Variants in RPL26L1 observed in about 807,000 individuals in gnomAD.
The protein encoded by RPL26L1 is ribosomal protein uL24-like.
In RPL26L1, 8 loss-of-function variants were observed where a neutral mutation model predicts 15.2. The ratio of observed to expected loss-of-function variants is 0.53; its 90% confidence interval spans 0.31 to 0.95. The LOEUF (loss-of-function observed/expected upper bound fraction) is 0.95, where lower values mean the gene tolerates loss of function less well. Ranked by LOEUF, RPL26L1 falls within the 40% of genes least tolerant of loss-of-function variation. The pLI, the probability that RPL26L1 is intolerant of heterozygous loss-of-function variation, is 0.05. For synonymous variants in RPL26L1, 51 were observed against 65.9 expected (o/e 0.77, Z 1.09); for missense variants, 146 against 190.9 (o/e 0.76, Z 1.39).
At chr5:172,963,834 T>C (rs1755342249) in intron 2 of RPL26L1, among the ~76,000 whole-genome samples, 1 of 152,230 alleles carries the variant, frequency 6.6e-6, no homozygotes, top group South Asian at 2.1e-4. Context: ...AGACCATTTT[T>C]AATCATCCCA....
upstream of RPL26L1, chr5:172,959,404 C>T (rs1202158008): frequency 9.9e-7 from 1 of 1,005,406 alleles, no homozygotes; most frequent in Non-Finnish European, 1.2e-6. Flanking sequence ...TCTTTCTGCG[C>T]TTGCGCGGCA....
chr5:172,955,079 G>A (rs1360295935), upstream of RPL26L1: 4 of 454,382 alleles, frequency 8.8e-6, no homozygotes. Context: ...GGTGAAACCT[G>A]GGAAGAAATG....
At chr5:172,959,502 ACT>A (rs1755133520) in intron 1 of RPL26L1, 34 bp downstream of exon 1, 1 of 1,048,386 alleles carries the variant, frequency 9.5e-7, no homozygotes, top group Non-Finnish European at 1.2e-6. Context: ...CGGACAGTGA[ACT>A]CTACCGCCCC....
upstream of RPL26L1, chr5:172,958,800 A>C (rs960426810): frequency 1.1e-5 from 1 of 90,248 alleles, no homozygotes; most frequent in Non-Finnish European, 2.6e-5. Context: ...AGAGGGCCAC[A>C]GGTGGGCGCG....
At chr5:172,960,082 G>A (rs1349805472) in intron 2 of RPL26L1, 41 bp downstream of exon 2, 1 of 1,610,714 alleles carries the variant, frequency 6.2e-7, no homozygotes, top group Non-Finnish European at 8.5e-7. Context: ...GGACACCGTT[G>A]CCTAAGAACG....
rs577812188 is a variant in RPL26L1, at chr5:172,959,707, C to T, written c.-9-158C>T. 1.3e-4 allele frequency: 142 copies of T among 1,092,800 alleles called. 4 individuals carry two copies. In the South Asian group the frequency reaches 2.0e-3, roughly 15 times the overall value. The allele number at this position is 1,092,800 out of a possible 1,614,324, so 67.7% of individuals were successfully genotyped here. ...CACACGCCTCACTTTATGTGATAGT[C>T]AGACTAGTCGCATCTCTCTGTCCTC... On this transcript the variant is annotated intron_variant, in intron 1 of 3. Transcript: ENST00000265100.
chr5:172,964,405 C>T (rs1206197233), intron 2 of RPL26L1, among the ~76,000 whole-genome samples: 1 of 151,738 alleles, frequency 6.6e-6, no homozygotes, highest in Non-Finnish European at 1.5e-5. Flanking sequence ...CCTCCCTCAG[C>T]CTCCCAAGTA....
chr5:172,959,662 A>G (rs1036356983), intron 1 of RPL26L1, 194 bp downstream of exon 1: 1 of 1,152,486 alleles, frequency 8.7e-7, no homozygotes, highest in African/African-American at 1.6e-5. Flanking sequence ...CGACCCCTTT[A>G]GACGGGCATG....
At chr5:172,957,312 A>C (rs1047125281), upstream of RPL26L1, 4 of 455,766 alleles carry the variant, frequency 8.8e-6, no homozygotes, top group Admixed American at 7.1e-5. Context: ...ACTGAACCAC[A>C]CAGCATGTTA....
upstream of RPL26L1, chr5:172,957,562 T>C (rs1581600560): frequency 3.5e-6 from 1 of 283,560 alleles, no homozygotes. Flanking sequence ...AGTGGGTGAA[T>C]GACAATAAAT....
Position 172,964,281 on chromosome 5 carries a change from C to CCTTTTTTTTTTTTTTTTTTTTT in RPL26L1, c.169-4178_169-4177insCTTTTTTTTTTTTTTTTTTTTT, listed in dbSNP as rs1402885653. 1.2e-3 allele frequency among the ~76,000 whole-genome samples: 115 copies of CCTTTTTTTTTTTTTTTTTTTTT among 99,240 alleles called. 28 individuals are homozygous for CCTTTTTTTTTTTTTTTTTTTTT. The highest frequency in any genetic ancestry group is 1.4e-3 in the African/African-American group (40 of 27,692). 65.1% of individuals were successfully genotyped at this position (99,240 alleles called of 152,430 possible). A position where few individuals can be genotyped will look rare whatever the true frequency, so the allele number is the denominator to read the frequency against. On this transcript the variant is annotated intron_variant, in intron 2 of 3. Transcript: ENST00000265100. ...TGAGCCACAGTGTCTGGCCTGTTGCCTTTTTTTTTTTTTTTTTTTTTGAGA... is the reference window on the plus strand; with the variant it reads ...TGAGCCACAGTGTCTGGCCTGTTGCCCTTTTTTTTTTTTTTTTTTTTTTTTTTTTTTTTTTTTTTTTTTGAGA...
intron 1 of RPL26L1, 102 bp from the exon 2 acceptor site, chr5:172,959,763 C>T: frequency 1.5e-6 from 2 of 1,351,406 alleles, no homozygotes; most frequent in East Asian, 2.3e-5. Flanking sequence ...GCTACCTCCC[C>T]TGTAGAGCCT....
At chr5:172,958,666 C>A (rs1755082336), upstream of RPL26L1, 1 of 271,628 alleles carries the variant, frequency 3.7e-6, no homozygotes, top group Non-Finnish European at 7.8e-6. Context: ...AGGGTCCGCG[C>A]AAAGTGTCGG....
intron 1 of RPL26L1, 104 bp from the exon 2 acceptor site, chr5:172,959,761 C>G: frequency 2.3e-6 from 3 of 1,332,594 alleles, no homozygotes; most frequent in South Asian, 1.3e-5. Context: ...AGGCTACCTC[C>G]CCTGTAGAGC....
chr5:172,954,688 G>A (rs980409926), upstream of RPL26L1: 9 of 284,080 alleles, frequency 3.2e-5, no homozygotes, highest in South Asian at 2.0e-4. Flanking sequence ...GTTTATGTAA[G>A]GAAAATGGAG....
At chr5:172,955,885 C>CA (rs1327123309), upstream of RPL26L1, 5 of 152,174 alleles carry the variant, frequency 3.3e-5, no homozygotes. Flanking sequence ...ATACCCAGGT[C>CA]TGCCTGACTC....
chr5:172,969,706 G>A lies in RPL26L1; in HGVS notation c.*165G>A, dbSNP rs140321805. ...AAGTAATAATTTTATGAATAAAAAT[G>A]GGAAATGCTTCCTAATTCCACATAG... On this transcript the variant is annotated 3_prime_UTR_variant, in exon 4 of 4. Transcript: ENST00000265100. 2 of 587,348 alleles carry A rather than the reference G, an allele frequency of 3.4e-6. No homozygotes were observed. The highest frequency in any genetic ancestry group is 5.7e-6 in the Non-Finnish European group (2 of 349,906). 36.4% of individuals were successfully genotyped at this position (587,348 alleles called of 1,614,324 possible). A position where few individuals can be genotyped will look rare whatever the true frequency, so the allele number is the denominator to read the frequency against.
At chr5:172,960,801 T>A (rs538497557) in intron 2 of RPL26L1, among the ~76,000 whole-genome samples, 1 of 151,456 alleles carries the variant, frequency 6.6e-6, no homozygotes, top group South Asian at 2.1e-4. Context: ...TTACCAGAGA[T>A]TGTTCTAGGA....
chr5:172,958,601 G>A (rs1310677912), upstream of RPL26L1: 1 of 351,758 alleles, frequency 2.8e-6, no homozygotes, highest in African/African-American at 2.1e-5. Context: ...AGGGGGCGTG[G>A]TTGATCTCCC....
Sources: gnomAD v4.1 joint callset for allele counts (sites outside exome capture counted in the v4.1 genomes callset) on GRCh38, gnomAD v4.1.1 for gene constraint, MANE v1.5 for transcripts, NCBI Gene and HGNC (gene_info 2026-07-23, HGNC 2026-07-21) for gene names.